The following SLC12A7 variants were observed in gnomAD, a reference collection of about 807,000 sequenced individuals.
The protein encoded by SLC12A7 is solute carrier family 12 member 7.
Under a neutral mutation model 120.6 loss-of-function variants are expected in SLC12A7, and 100 were observed. The observed-to-expected ratio is 0.83, with a 90% confidence interval of 0.71 to 0.98. SLC12A7 has a LOEUF of 0.98. Ranked by LOEUF, SLC12A7 falls within the 50% of genes least tolerant of loss-of-function variation. The pLI is 0.00. For synonymous variants in SLC12A7, 760 were observed against 678.0 expected, an observed-to-expected ratio of 1.12 and a Z score of -1.88; for missense variants, 1,373 against 1,548.1, an observed-to-expected ratio of 0.89 and a Z score of 1.90.
At chr5:1,150,107 G>T in the SLC12A7 span, among the ~76,000 whole-genome samples, 2 of 152,194 alleles carry the variant, frequency 1.3e-5, no homozygotes, top group Non-Finnish European at 2.9e-5. Context: ...GGGTGTATTT[G>T]TTTGCTGTTG....
the SLC12A7 span, among the ~76,000 whole-genome samples, chr5:1,143,623 T>C: frequency 6.6e-6 from 1 of 152,150 alleles, no homozygotes; most frequent in Non-Finnish European, 1.5e-5. Flanking sequence ...TCGGCAGCTG[T>C]CTGTGTCCTG....
At chr5:1,101,471 C>T (rs992056560) in intron 1 of SLC12A7, among the ~76,000 whole-genome samples, 1 of 152,172 alleles carries the variant, frequency 6.6e-6, no homozygotes, top group Non-Finnish European at 1.5e-5. Flanking sequence ...TGGAGGAGCC[C>T]TCCCAATAGC....
At chr5:1,093,736 G>A in intron 2 of SLC12A7, 81 bp from the exon 3 acceptor site, 1 of 1,581,120 alleles carries the variant, frequency 6.3e-7, no homozygotes, top group Non-Finnish European at 8.6e-7. Flanking sequence ...TCAGGGTGTG[G>A]AGCTCAGGCC....
At chr5:1,150,866 G>A in the SLC12A7 span, among the ~76,000 whole-genome samples, 76 of 152,384 alleles carry the variant, frequency 5.0e-4, 2 homozygotes, top group Middle Eastern at 6.8e-3. Flanking sequence ...TGCACACCAC[G>A]TTTCTGAGTG....
chr5:1,155,626 G>A, the SLC12A7 span, among the ~76,000 whole-genome samples: 4 of 151,296 alleles, frequency 2.6e-5, no homozygotes, highest in African/African-American at 7.3e-5. Context: ...CCAGGCCGCC[G>A]CCGCCCACCT....
At chr5:1,085,504 C>G (rs763361621) in intron 6 of SLC12A7, 31 bp from the exon 7 acceptor site, 1 of 1,556,154 alleles carries the variant, frequency 6.4e-7, no homozygotes, top group South Asian at 1.2e-5. Flanking sequence ...GGGAGGCCGT[C>G]CCCGGACACA....
the SLC12A7 span, among the ~76,000 whole-genome samples, chr5:1,119,753 CAG>C: frequency 6.6e-6 from 1 of 152,258 alleles, no homozygotes; most frequent in African/African-American, 2.4e-5. Context: ...GGGTGCAGAC[CAG>C]AACACGCCCG....
chr5:1,068,897 C>A (rs1166719261), intron 17 of SLC12A7, among the ~76,000 whole-genome samples: 2 of 152,258 alleles, frequency 1.3e-5, no homozygotes, highest in East Asian at 3.8e-4. Flanking sequence ...CCTCACACAC[C>A]TCCAGGGAGG....
intron 8 of SLC12A7, among the ~76,000 whole-genome samples, chr5:1,082,096 C>T (rs1444436883): frequency 3.5e-5 from 5 of 143,756 alleles, no homozygotes; most frequent in African/African-American, 1.3e-4. Flanking sequence ...GCCTGGGCTT[C>T]CTCTCTAGGG....
the SLC12A7 span, among the ~76,000 whole-genome samples, chr5:1,150,321 T>C: frequency 7.6e-6 from 1 of 131,716 alleles, no homozygotes; most frequent in African/African-American, 2.8e-5. Flanking sequence ...GGAGCCGACA[T>C]CCATGCACAC....
chr5:1,058,393 G>A (rs1393355749), intron 21 of SLC12A7, among the ~76,000 whole-genome samples: 1 of 152,208 alleles, frequency 6.6e-6, no homozygotes, highest in African/African-American at 2.4e-5. Flanking sequence ...AGGCCAATGG[G>A]AGCTCCCAGA....
chr5:1,144,570 A>G, the SLC12A7 span, among the ~76,000 whole-genome samples: 221 of 152,330 alleles, frequency 1.5e-3, no homozygotes, highest in African/African-American at 4.7e-3. Flanking sequence ...ACGCTGGGTC[A>G]TGGTGAGCTG....
At position 1,076,224 on chromosome 5, in the gene SLC12A7, CAT is replaced by C. The variant is rs1468753128; in HGVS notation, c.1759_1760del (p.Met587ValfsTer328). 1 of 1,610,682 alleles carries C rather than the reference CAT, an allele frequency of 6.2e-7. No individual in the cohort carries two copies. Among genetic ancestry groups the C allele is most frequent in the African/African-American group, 1.3e-5 (1 of 74,918 alleles). On this transcript the variant is annotated frameshift_variant, in exon 14 of 24. Coordinates refer to ENST00000264930, the MANE Select transcript of SLC12A7 (RefSeq NM_006598.3). LOFTEE classifies it high-confidence loss of function. ...VAPILSMFFL[M>X]CYLFVNLACA... ...AGGCCAGGTTCACGAACAGGTAGCA[CAT>C]GAGGAAGAACCTGCAGGGACGGCCG...
At chr5:1,148,813 T>C in the SLC12A7 span, among the ~76,000 whole-genome samples, 11 of 152,212 alleles carry the variant, frequency 7.2e-5, no homozygotes, top group Admixed American at 6.5e-4. Context: ...TGCAGTCTCC[T>C]GTTTTCAGAA....
At chr5:1,097,735 T>C (rs1241440129) in intron 1 of SLC12A7, among the ~76,000 whole-genome samples, 1 of 152,098 alleles carries the variant, frequency 6.6e-6, no homozygotes, top group East Asian at 1.9e-4. Flanking sequence ...TCCTCCCAGG[T>C]GGGGACTGCA....
At chr5:1,059,044 G>T (rs1356023772) in intron 21 of SLC12A7, among the ~76,000 whole-genome samples, 1 of 152,216 alleles carries the variant, frequency 6.6e-6, no homozygotes, top group Non-Finnish European at 1.5e-5. Context: ...GTGGATTCTT[G>T]TTCCTAGCTG....
intron 3 of SLC12A7, among the ~76,000 whole-genome samples, chr5:1,089,389 C>T (rs1351242699): frequency 6.6e-6 from 1 of 152,060 alleles, no homozygotes; most frequent in Non-Finnish European, 1.5e-5. Flanking sequence ...TGTGCCTCCC[C>T]GACGGAGGGA....
chr5:1,059,214 T>C (rs990450561), intron 21 of SLC12A7, among the ~76,000 whole-genome samples: 8 of 152,208 alleles, frequency 5.3e-5, no homozygotes, highest in African/African-American at 1.9e-4. Flanking sequence ...CGGCCCCCCG[T>C]GTCCTGCATC....
intron 22 of SLC12A7, 80 bp downstream of exon 22, chr5:1,057,391 C>G: frequency 7.0e-7 from 1 of 1,430,922 alleles, no homozygotes; most frequent in Non-Finnish European, 9.4e-7. Flanking sequence ...CTTCAGTGGT[C>G]AGGGAAGGGA....
Sources: gnomAD v4.1 joint callset for allele counts (sites outside exome capture counted in the v4.1 genomes callset) on GRCh38, gnomAD v4.1.1 for gene constraint, MANE v1.5 for transcripts, NCBI Gene and HGNC (gene_info 2026-07-23, HGNC 2026-07-21) for gene names.